The following CNTN5 variants were observed in gnomAD, a reference collection of about 807,000 sequenced individuals.
CNTN5 encodes the protein contactin 5.
In CNTN5, 77 loss-of-function variants were observed where a neutral mutation model predicts 129.1. The ratio of observed to expected loss-of-function variants is 0.60; its 90% CI spans 0.50 to 0.72. The LOEUF (loss-of-function observed/expected upper bound fraction) is 0.72. Ranked by LOEUF, CNTN5 falls within the 30% of genes least tolerant of loss-of-function variation. CNTN5 has a pLI of 0.00. For missense variants in CNTN5, 1,478 were observed against 1,328.8 expected (o/e 1.11, Z -1.75); for synonymous variants, 509 against 465.6 (o/e 1.09, Z -1.20).
intron 3 of CNTN5, among the ~76,000 whole-genome samples, chr11:99,582,280 T>A (rs1415658234): frequency 2.0e-5 from 3 of 152,190 alleles, no homozygotes; most frequent in African/African-American, 7.2e-5. Flanking sequence ...ATTTCAACTT[T>A]GATGAATCTG....
chr11:99,242,537 A>G (rs1405701279), intron 1 of CNTN5, among the ~76,000 whole-genome samples: 4 of 151,960 alleles, frequency 2.6e-5, no homozygotes, highest in Non-Finnish European at 4.4e-5. Context: ...TTTGTTACCT[A>G]GGTACACTGC....
intron 1 of CNTN5, among the ~76,000 whole-genome samples, chr11:99,264,276 G>A (rs750966087): frequency 2.0e-5 from 3 of 151,024 alleles, no homozygotes; most frequent in Non-Finnish European, 4.4e-5. Context: ...GAATTTATAG[G>A]CTAAATTACT....
chr11:99,080,232 T>G (rs1490068063), intron 1 of CNTN5, among the ~76,000 whole-genome samples: 1 of 152,126 alleles, frequency 6.6e-6, no homozygotes, highest in Admixed American at 6.5e-5. Context: ...TTGAATATAT[T>G]AATTTGAATA....
At chr11:100,080,683 C>G (rs1241777518) in intron 13 of CNTN5, among the ~76,000 whole-genome samples, 1 of 152,076 alleles carries the variant, frequency 6.6e-6, no homozygotes, top group Non-Finnish European at 1.5e-5. Flanking sequence ...AATGAACAAG[C>G]TGTTTTGTTG....
At chr11:99,165,943 G>T (rs1591301269) in intron 1 of CNTN5, among the ~76,000 whole-genome samples, 2 of 152,122 alleles carry the variant, frequency 1.3e-5, no homozygotes, top group African/African-American at 2.4e-5. Flanking sequence ...TTAATATTCA[G>T]CATAATCCAC....
chr11:100,204,458 G>A (rs1046832673), intron 15 of CNTN5, among the ~76,000 whole-genome samples: 1 of 148,388 alleles, frequency 6.7e-6, no homozygotes, highest in African/African-American at 2.5e-5. Flanking sequence ...ATATAGATCT[G>A]TAAATATAGA....
At chr11:100,347,542 T>C (rs906574841) in intron 23 of CNTN5, among the ~76,000 whole-genome samples, 1 of 152,108 alleles carries the variant, frequency 6.6e-6, no homozygotes, top group Non-Finnish European at 1.5e-5. Flanking sequence ...GCAGTATATA[T>C]ATGAAGCTGA....
At chr11:99,784,649 A>T (rs998211424) in intron 3 of CNTN5, among the ~76,000 whole-genome samples, 3 of 152,054 alleles carry the variant, frequency 2.0e-5, no homozygotes, top group Admixed American at 1.3e-4. Context: ...GAATTGCCAC[A>T]CTGTCTTCCG....
intron 23 of CNTN5, among the ~76,000 whole-genome samples, chr11:100,346,239 C>A (rs1425324688): frequency 1.3e-5 from 2 of 151,962 alleles, no homozygotes; most frequent in Non-Finnish European, 2.9e-5. Context: ...ATCTAGAATC[C>A]TTACTAATTA....
At chr11:99,164,163 TA>T (rs1860760842) in intron 1 of CNTN5, among the ~76,000 whole-genome samples, 1 of 151,772 alleles carries the variant, frequency 6.6e-6, no homozygotes, top group African/African-American at 2.4e-5. Context: ...CTGTCTCTAC[TA>T]AAAATACAAA....
intron 3 of CNTN5, among the ~76,000 whole-genome samples, chr11:99,598,850 T>C (rs1172876299): frequency 2.0e-5 from 3 of 152,082 alleles, no homozygotes; most frequent in African/African-American, 4.8e-5. Flanking sequence ...AACACCATTT[T>C]TCCTGACAAG....
rs534461721 is a variant in CNTN5 at position 99,593,776 on chromosome 11, A to G, written c.55+37507A>G. Among the ~76,000 whole-genome samples, 8 of 152,316 alleles carry G rather than the reference A, an allele frequency of 5.3e-5. No homozygotes were observed. In the South Asian group the frequency reaches 1.7e-3, roughly 32 times the overall value. ...CTTCTTCTGTGTTTACAGAGGATCTAGGCCAGAATGTGTAACTTCTGCCAG... is the reference window on the plus strand; with the variant it reads ...CTTCTTCTGTGTTTACAGAGGATCTGGGCCAGAATGTGTAACTTCTGCCAG... On this transcript the variant is annotated intron_variant, in intron 3 of 24. Coordinates refer to ENST00000524871, the MANE Select transcript of CNTN5 (RefSeq NM_014361.4).
intron 3 of CNTN5, among the ~76,000 whole-genome samples, chr11:99,685,224 A>C (rs1269004507): frequency 6.6e-6 from 1 of 151,524 alleles, no homozygotes; most frequent in Non-Finnish European, 1.5e-5. Flanking sequence ...TATTGCTTTA[A>C]GGCTTTGATT....
chr11:100,024,850 T>G (rs554724594), intron 9 of CNTN5, among the ~76,000 whole-genome samples: 88 of 152,276 alleles, frequency 5.8e-4, no homozygotes, highest in Non-Finnish European at 9.0e-4. Context: ...GTTTTATGCC[T>G]TCACAAATAG....
chr11:100,114,467 A>C (rs1307868320), intron 13 of CNTN5, among the ~76,000 whole-genome samples: 2 of 152,146 alleles, frequency 1.3e-5, no homozygotes, highest in Non-Finnish European at 2.9e-5. Context: ...AGTTTTAAAA[A>C]TTCAATCACA....
chr11:99,143,786 G>T (rs973432911), intron 1 of CNTN5, among the ~76,000 whole-genome samples: 1 of 152,086 alleles, frequency 6.6e-6, no homozygotes, highest in African/African-American at 2.4e-5. Flanking sequence ...TTACCAATTT[G>T]TTTTTCAAAC....
At chr11:100,252,722 G>C (rs1374333012) in intron 16 of CNTN5, among the ~76,000 whole-genome samples, 2 of 152,130 alleles carry the variant, frequency 1.3e-5, no homozygotes, top group African/African-American at 4.8e-5. Context: ...TGACATGTCT[G>C]GTGCCTGGAC....
intron 9 of CNTN5, among the ~76,000 whole-genome samples, chr11:100,005,712 CTAAGGA>C (rs1278602486): frequency 6.6e-6 from 1 of 151,908 alleles, no homozygotes; most frequent in Non-Finnish European, 1.5e-5. Context: ...TTTTTTGAGG[CTAAGGA>C]TAAGAGAGAT....
At chr11:99,475,784 C>CT (rs544003058) in intron 2 of CNTN5, among the ~76,000 whole-genome samples, 30 of 149,902 alleles carry the variant, frequency 2.0e-4, no homozygotes, top group Admixed American at 1.3e-3. Flanking sequence ...TTGTCTAATG[C>CT]TTTTTTTTTC....
Sources: allele counts gnomAD v4.1 joint callset (sites outside exome capture counted in the v4.1 genomes callset), GRCh38; gene constraint gnomAD v4.1.1; transcripts MANE v1.5; gene names NCBI Gene and HGNC (gene_info 2026-07-23, HGNC 2026-07-21).